Variants in LTBP1 observed in about 807,000 individuals in gnomAD.
LTBP1 encodes the protein latent-transforming growth factor beta-binding protein 1.
LTBP1 carries 129 observed loss-of-function variants against 207.6 expected under a neutral mutation model. That is an observed-to-expected ratio of 0.62 (90% CI 0.54 to 0.72). The LOEUF is 0.72. LTBP1 is among the 30% of genes least tolerant of loss of function. LTBP1 has a pLI of 0.00. For missense variants in LTBP1, 2,281 were observed against 2,217.2 expected (o/e 1.03, Z -0.58); for synonymous variants, 963 against 833.7 (o/e 1.16, Z -2.67).
intron 26 of LTBP1, among the ~76,000 whole-genome samples, 186 bp downstream of exon 26, chr2:33,347,696 GACTCT>G (rs1219122006): frequency 6.6e-6 from 1 of 152,248 alleles, no homozygotes; most frequent in Non-Finnish European, 1.5e-5. Context: ...TGTGGGTGAT[GACTCT>G]TTGGGCTAGA....
At chr2:33,285,035 C>CTTTTT (rs934497674) in intron 19 of LTBP1, among the ~76,000 whole-genome samples, 25 of 120,114 alleles carry the variant, frequency 2.1e-4, no homozygotes, top group East Asian at 5.2e-4. Context: ...GTATCACATT[C>CTTTTT]TTTTTTTTTT....
chr2:33,243,347 CCT>C (rs1491345699), intron 9 of LTBP1, among the ~76,000 whole-genome samples: 1 of 152,152 alleles, frequency 6.6e-6, no homozygotes, highest in Non-Finnish European at 1.5e-5. Context: ...CTTTGCCTTA[CCT>C]ATATGCTCCA....
chr2:33,277,339 T>C lies in LTBP1; in HGVS notation c.2992+1416T>C, dbSNP rs540308147. Among the ~76,000 whole-genome samples the C allele has an allele frequency of 6.6e-5, 10 of 152,138 alleles. No individual in the cohort carries two copies. The South Asian group carries it at 2.1e-3, about 32-fold the overall frequency. On this transcript the variant is annotated intron_variant, in intron 18 of 33. Coordinates refer to ENST00000404816, the MANE Select transcript of LTBP1 (RefSeq NM_206943.4). ...CACGAGGCTACAGAACAAGCACAGG[T>C]GTAAAGTGTCTCCACGCTGCTCTTC...
intron 2 of LTBP1, among the ~76,000 whole-genome samples, chr2:32,986,135 A>C (rs1683530789): frequency 6.6e-6 from 1 of 152,182 alleles, no homozygotes; most frequent in South Asian, 2.1e-4. Context: ...CTGTTGGATC[A>C]ATTAGATGAG....
At chr2:33,259,543 A>C in intron 12 of LTBP1, 45 bp from the exon 13 acceptor site, 1 of 1,395,504 alleles carries the variant, frequency 7.2e-7, no homozygotes, top group Non-Finnish European at 9.8e-7. Flanking sequence ...AATAGACTGA[A>C]TTGTCTTAAA....
Position 33,315,262 on chromosome 2 carries a change from G to A in LTBP1, c.3723G>A (p.Thr1241=), listed in dbSNP as rs367863981. ...QGFSISADGR[T]CEDIDECVNN... ...TCTCAATCTCTGCAGATGGCCGTAC[G>A]TGTGAAGGTAAGATAAACCATACGA... is the stretch of plus-strand genomic sequence containing the variant. The change falls in exon 24 of 34, where the codon ACG becomes ACA. Residue 1241 remains threonine (T), a synonymous_variant. Transcript: ENST00000404816. 29 of 1,611,744 alleles carry A rather than the reference G, an allele frequency of 1.8e-5. No individual in the cohort carries two copies. Among genetic ancestry groups the A allele is most frequent in the Admixed American group, 3.4e-5 (2 of 59,166 alleles).
chr2:33,051,382 A>T (rs1024672168), intron 3 of LTBP1, among the ~76,000 whole-genome samples: 1 of 151,926 alleles, frequency 6.6e-6, no homozygotes, highest in Admixed American at 6.6e-5. Flanking sequence ...TGCCACTTTA[A>T]CTCCAACCTG....
intron 15 of LTBP1, among the ~76,000 whole-genome samples, chr2:33,269,120 T>G (rs1202816254): frequency 6.6e-6 from 1 of 152,222 alleles, no homozygotes; most frequent in South Asian, 2.1e-4. Flanking sequence ...CATTCATTCA[T>G]TCATTCATTC....
At chr2:33,373,868 A>G (rs1310492596) in intron 31 of LTBP1, among the ~76,000 whole-genome samples, 6 of 152,218 alleles carry the variant, frequency 3.9e-5, no homozygotes, top group Non-Finnish European at 1.5e-5. Flanking sequence ...AAATCTGCAA[A>G]TGATACTTTA....
chr2:33,178,379 G>GATGATAAATGAACAGGAAGCTAT (rs2086280711), intron 5 of LTBP1, among the ~76,000 whole-genome samples: 3 of 152,210 alleles, frequency 2.0e-5, no homozygotes, highest in Non-Finnish European at 1.5e-5. Context: ...TGGCGAGGTT[G>GATGATAAATGAACAGGAAGCTAT]ATGATAAATG....
At chr2:33,139,015 C>T (rs1011824584) in intron 5 of LTBP1, among the ~76,000 whole-genome samples, 9 of 150,982 alleles carry the variant, frequency 6.0e-5, no homozygotes, top group East Asian at 3.9e-4. Context: ...CCCGCTACCA[C>T]GCCCGGCTAA....
chr2:33,229,944 T>C (rs1389060436), intron 9 of LTBP1, among the ~76,000 whole-genome samples: 1 of 152,246 alleles, frequency 6.6e-6, no homozygotes, highest in Non-Finnish European at 1.5e-5. Flanking sequence ...GGCATTTGAC[T>C]CATAATATGA....
intron 2 of LTBP1, among the ~76,000 whole-genome samples, chr2:32,986,056 A>T (rs1359348863): frequency 6.6e-6 from 1 of 152,186 alleles, no homozygotes; most frequent in Non-Finnish European, 1.5e-5. Flanking sequence ...TGTGCCTAGT[A>T]CATGGTAAGT....
At chr2:33,384,178 T>A (rs1247304856) in intron 31 of LTBP1, among the ~76,000 whole-genome samples, 1 of 152,174 alleles carries the variant, frequency 6.6e-6, no homozygotes, top group East Asian at 1.9e-4. Flanking sequence ...ACCCACAGGC[T>A]CCAGGGGATA....
At chr2:33,372,427 G>T (rs186951474) in intron 31 of LTBP1, among the ~76,000 whole-genome samples, 1 of 152,334 alleles carries the variant, frequency 6.6e-6, no homozygotes, top group East Asian at 1.9e-4. Context: ...TGTAGCCACA[G>T]ACACATTGGC....
intron 7 of LTBP1, among the ~76,000 whole-genome samples, chr2:33,213,584 G>T (rs2090468182): frequency 6.6e-6 from 1 of 152,110 alleles, no homozygotes; most frequent in South Asian, 2.1e-4. Context: ...TTCTTTTCCT[G>T]TAGGCATTTC....
At chr2:33,158,993 A>C (rs1370685362) in intron 5 of LTBP1, among the ~76,000 whole-genome samples, 1 of 152,224 alleles carries the variant, frequency 6.6e-6, no homozygotes, top group Non-Finnish European at 1.5e-5. Flanking sequence ...GAGCTCAGTT[A>C]AGTGAGATGA....
rs529610465 is a variant in LTBP1 at position 33,342,406 on chromosome 2, A to C, written c.3731-432A>C. 1.5e-4 allele frequency among the ~76,000 whole-genome samples: 23 copies of C among 152,320 alleles called. No homozygotes were observed. In the East Asian group the frequency reaches 4.4e-3, roughly 29 times the overall value. ...TCAAGGTTATCCACAAGGTTAAGTA[A>C]ACTATTGCTCATTTCCACCTGTAAC... On this transcript the variant is annotated intron_variant, in intron 24 of 33. Transcript: ENST00000404816.
intron 19 of LTBP1, among the ~76,000 whole-genome samples, chr2:33,281,922 C>G (rs919728429): frequency 4.9e-4 from 74 of 152,130 alleles, no homozygotes; most frequent in African/African-American, 1.7e-3. Context: ...GGAACTCTAC[C>G]TTAAATAACT....
Sources: gnomAD v4.1 joint callset for allele counts (sites outside exome capture counted in the v4.1 genomes callset) on GRCh38, gnomAD v4.1.1 for gene constraint, MANE v1.5 for transcripts, NCBI Gene and HGNC (gene_info 2026-07-23, HGNC 2026-07-21) for gene names.